SPIDR: variants seen among roughly 807,000 people sequenced by gnomAD.
SPIDR encodes DNA repair-scaffolding protein.
In SPIDR, 93 loss-of-function variants were observed where a neutral mutation model predicts 104.6. The observed-to-expected ratio is 0.89, with a 90% CI of 0.75 to 1.06. The LOEUF (loss-of-function observed/expected upper bound fraction) is 1.06, where lower values mean the gene tolerates loss of function less well. Ranked by LOEUF, SPIDR falls within the 50% of genes least tolerant of loss-of-function variation. The pLI is 0.00. For missense variants in SPIDR, 1,154 were observed against 1,111.2 expected (o/e 1.04, Z -0.55); for synonymous variants, 431 against 416.9 (o/e 1.03, Z -0.41).
chr8:47,659,021 G>T (rs935787820), intron 10 of SPIDR, among the ~76,000 whole-genome samples: 2 of 152,074 alleles, frequency 1.3e-5, no homozygotes, highest in African/African-American at 4.8e-5. Flanking sequence ...ACATTGGGAG[G>T]CTGAGGCTGG....
chr8:47,559,468 C>A (rs1054152184), intron 8 of SPIDR, among the ~76,000 whole-genome samples: 1 of 152,234 alleles, frequency 6.6e-6, no homozygotes, highest in African/African-American at 2.4e-5. Context: ...GCCTCTGACC[C>A]CCTCCCCTGT....
Position 47,606,602 on chromosome 8 carries a change from G to T in SPIDR, c.1544+7406G>T, listed in dbSNP as rs908916060. Among the ~76,000 whole-genome samples, 6 of 152,140 alleles carry T rather than the reference G, an allele frequency of 3.9e-5. No individual in the cohort carries two copies. The South Asian group carries it at 1.2e-3, about 32-fold the overall frequency. ...GGTGAGAATGGTTCAGATTAAGGCC[G>T]AATGAGGAACATGCACTAGTAGATC... On this transcript the variant is annotated intron_variant, in intron 10 of 19. Coordinates refer to ENST00000297423, the MANE Select transcript of SPIDR (RefSeq NM_001080394.4).
intron 8 of SPIDR, among the ~76,000 whole-genome samples, chr8:47,541,107 T>C (rs1381009020): frequency 6.6e-6 from 1 of 152,152 alleles, no homozygotes; most frequent in Non-Finnish European, 1.5e-5. Context: ...TGGTCCGCCT[T>C]CCTCGGCCTC....
chr8:47,362,816 A>AT (rs1464313825), intron 5 of SPIDR, among the ~76,000 whole-genome samples: 5 of 151,724 alleles, frequency 3.3e-5, no homozygotes, highest in Non-Finnish European at 5.9e-5. Context: ...TGCCCGGCTA[A>AT]TTTTTTTTGT....
intron 10 of SPIDR, 197 bp from the exon 11 acceptor site, chr8:47,673,604 C>G (rs1450278715): frequency 4.4e-6 from 3 of 680,910 alleles, no homozygotes; most frequent in Non-Finnish European, 4.9e-6. Flanking sequence ...TTTTTTAATC[C>G]TGACTCACCC....
At chr8:47,462,497 A>C (rs1423950286) in intron 8 of SPIDR, among the ~76,000 whole-genome samples, 1 of 152,068 alleles carries the variant, frequency 6.6e-6, no homozygotes, top group Admixed American at 6.6e-5. Context: ...TTTCCCCCCA[A>C]ATCTCCAAGA....
At chr8:47,552,706 CTT>C (rs1328842279) in intron 8 of SPIDR, among the ~76,000 whole-genome samples, 2 of 151,090 alleles carry the variant, frequency 1.3e-5, no homozygotes, top group African/African-American at 4.9e-5. Flanking sequence ...TGTCTTGACT[CTT>C]TATCCAATTT....
chr8:47,416,795 G>A (rs534856961), intron 7 of SPIDR, among the ~76,000 whole-genome samples: 3 of 151,852 alleles, frequency 2.0e-5, no homozygotes, highest in African/African-American at 7.3e-5. Context: ...CCCACAACAG[G>A]CCCTGGTGTG....
At chr8:47,734,072 C>T (rs1408266687) in intron 19 of SPIDR, among the ~76,000 whole-genome samples, 5 of 152,152 alleles carry the variant, frequency 3.3e-5, no homozygotes, top group Admixed American at 3.3e-4. Context: ...AACTTGGTGG[C>T]ATCAATATTC....
intron 7 of SPIDR, among the ~76,000 whole-genome samples, chr8:47,439,338 G>A (rs189970003): frequency 6.6e-6 from 1 of 152,112 alleles, no homozygotes; most frequent in Admixed American, 6.5e-5. Flanking sequence ...CTATTGTATT[G>A]ATTTCTGTGT....
intron 10 of SPIDR, among the ~76,000 whole-genome samples, chr8:47,604,792 G>A (rs991175860): frequency 1.3e-5 from 2 of 152,220 alleles, no homozygotes; most frequent in Non-Finnish European, 2.9e-5. Context: ...GGCCTACTAA[G>A]TTTGAGATTC....
At chr8:47,491,941 A>G (rs2078786873) in intron 8 of SPIDR, among the ~76,000 whole-genome samples, 1 of 152,130 alleles carries the variant, frequency 6.6e-6, no homozygotes, top group South Asian at 2.1e-4. Flanking sequence ...GCAACCTACA[A>G]TGATGTGAGA....
At chr8:47,541,690 A>T (rs2088173683) in intron 8 of SPIDR, among the ~76,000 whole-genome samples, 1 of 152,200 alleles carries the variant, frequency 6.6e-6, no homozygotes, top group Non-Finnish European at 1.5e-5. Flanking sequence ...TGAGGTCAGG[A>T]GTTCAAGACC....
At chr8:47,729,932 T>C (rs1415989351) in intron 19 of SPIDR, among the ~76,000 whole-genome samples, 1 of 152,132 alleles carries the variant, frequency 6.6e-6, no homozygotes, top group Non-Finnish European at 1.5e-5. Context: ...CTGGCCAGGC[T>C]GGTCTCGAAC....
At chr8:47,637,327 T>G (rs2068087960) in intron 10 of SPIDR, among the ~76,000 whole-genome samples, 1 of 152,216 alleles carries the variant, frequency 6.6e-6, no homozygotes, top group African/African-American at 2.4e-5. Context: ...CCCAGCACTT[T>G]GGGAGGCCAA....
At chr8:47,431,682 T>C (rs1554689439) in intron 7 of SPIDR, among the ~76,000 whole-genome samples, 2 of 152,172 alleles carry the variant, frequency 1.3e-5, no homozygotes, top group Non-Finnish European at 2.9e-5. Context: ...TTGGGTTTTT[T>C]TTAAGAGTTG....
At chr8:47,271,121 C>A (rs893269236) in intron 1 of SPIDR, among the ~76,000 whole-genome samples, 1 of 152,100 alleles carries the variant, frequency 6.6e-6, no homozygotes, top group Non-Finnish European at 1.5e-5. Context: ...GAGTTTTGTA[C>A]ATGACGTATA....
intron 11 of SPIDR, among the ~76,000 whole-genome samples, chr8:47,698,958 A>C (rs1282268438): frequency 6.6e-6 from 1 of 152,206 alleles, no homozygotes; most frequent in Non-Finnish European, 1.5e-5. Context: ...GGGAAACTCC[A>C]AATTTTTAGG....
At position 47,531,880 on chromosome 8, in the gene SPIDR, A is replaced by C. The variant is rs989275970; in HGVS notation, c.1098-63931A>C. ...ATTATTACATTAAGAGAAGAAAAAA[A>C]TAGAATCATATAAAATGGCCAATTA... On this transcript the variant is annotated intron_variant, in intron 8 of 19. Transcript: ENST00000297423. Among the ~76,000 whole-genome samples the C allele has an allele frequency of 5.5e-4, 83 of 152,230 alleles. 1 individual carries two copies. Among genetic ancestry groups the C allele is most frequent in the Non-Finnish European group, 2.9e-5 (2 of 68,032 alleles).
Sources: allele counts gnomAD v4.1 joint callset (sites outside exome capture counted in the v4.1 genomes callset), GRCh38; gene constraint gnomAD v4.1.1; transcripts MANE v1.5; gene names NCBI Gene and HGNC (gene_info 2026-07-23, HGNC 2026-07-21).